MAP3K15: variants seen among roughly 807,000 people sequenced by gnomAD.
The protein encoded by MAP3K15 is MAPK/ERK kinase kinase 15.
In MAP3K15, 124 loss-of-function variants were observed where a neutral mutation model predicts 99.5. The observed-to-expected ratio is 1.25, with a 90% CI of 1.08 to 1.45. The LOEUF is 1.45. MAP3K15 is among the 40% of genes most tolerant of loss of function. The pLI is 0.00. For missense variants in MAP3K15, 1,242 were observed against 1,079.7 expected (o/e 1.15, Z -2.11); for synonymous variants, 494 against 439.6 (o/e 1.12, Z -1.55).
In MAP3K15 at chrX:19,440,396, C is replaced by T. The variant is rs564837123; in HGVS notation, c.996-8788G>A. Among the ~76,000 whole-genome samples, 11 of 112,813 alleles carry T rather than the reference C, an allele frequency of 9.8e-5. No homozygotes were observed. In the South Asian group the frequency reaches 3.6e-3, roughly 37 times the overall value. ...GGTGCCCTGCTCTGGCCAGATGCCT[C>T]GTATTTACATACATGGAAGGGAACA... On this transcript the variant is annotated intron_variant, in intron 6 of 28. Coordinates refer to ENST00000338883, the MANE Select transcript of MAP3K15 (RefSeq NM_001001671.4).
chrX:19,425,328 T>G (rs757559967), intron 9 of MAP3K15, among the ~76,000 whole-genome samples: 5 of 111,581 alleles, frequency 4.5e-5, no homozygotes, highest in Non-Finnish European at 9.4e-5. Context: ...ATCTCAGGGG[T>G]GGAGCAGGCA....
At chrX:19,503,342 C>G (rs904185402) in intron 1 of MAP3K15, among the ~76,000 whole-genome samples, 1 of 112,151 alleles carries the variant, frequency 8.9e-6, no homozygotes, top group African/African-American at 3.2e-5. Flanking sequence ...CACTGCACAG[C>G]CATCAAACCA....
intron 18 of MAP3K15, among the ~76,000 whole-genome samples, chrX:19,382,353 G>A (rs1427720664): frequency 1.8e-5 from 2 of 109,891 alleles, no homozygotes; most frequent in African/African-American, 6.6e-5. Context: ...TGTCTTATTA[G>A]CATTCTTTAA....
At chrX:19,434,779 T>C (rs1006628775) in intron 6 of MAP3K15, among the ~76,000 whole-genome samples, 2 of 111,906 alleles carry the variant, frequency 1.8e-5, no homozygotes, top group Admixed American at 1.9e-4. Flanking sequence ...CTTCATACAA[T>C]AGATGCCAGC....
At chrX:19,391,302 C>T (rs971030430) in intron 18 of MAP3K15, among the ~76,000 whole-genome samples, 1 of 111,658 alleles carries the variant, frequency 9.0e-6, no homozygotes, top group Non-Finnish European at 1.9e-5. Context: ...TCAGCATTAC[C>T]CACGATTTCA....
intron 14 of MAP3K15, among the ~76,000 whole-genome samples, chrX:19,400,058 CTGAG>C (rs2063597100): frequency 8.9e-6 from 1 of 111,906 alleles, no homozygotes; most frequent in Non-Finnish European, 1.9e-5. Flanking sequence ...CTGGAAGAAC[CTGAG>C]TGAGTGGCAA....
intron 1 of MAP3K15, among the ~76,000 whole-genome samples, chrX:19,512,748 T>C (rs376081422): frequency 2.9e-5 from 3 of 104,292 alleles, no homozygotes; most frequent in Admixed American, 1.1e-4. Flanking sequence ...CGTGAGCCAC[T>C]GCACCTGGCC....
chrX:19,458,237 G>C (rs1409206805), intron 5 of MAP3K15, among the ~76,000 whole-genome samples: 1 of 112,068 alleles, frequency 8.9e-6, no homozygotes, highest in Non-Finnish European at 1.9e-5. Context: ...GAGCATGAAT[G>C]GAAGGTTATG....
At chrX:19,489,980 G>C (rs1443705330) in intron 1 of MAP3K15, among the ~76,000 whole-genome samples, 2 of 111,028 alleles carry the variant, frequency 1.8e-5, no homozygotes, top group African/African-American at 6.6e-5. Flanking sequence ...AGGTTGCAGT[G>C]AACTCAGATC....
At chrX:19,481,125 A>AG (rs1173833143) in intron 3 of MAP3K15, among the ~76,000 whole-genome samples, 1 of 107,710 alleles carries the variant, frequency 9.3e-6, no homozygotes, top group East Asian at 2.9e-4. Flanking sequence ...CAAAAAAAAA[A>AG]AAAAAAAAAA....
chrX:19,409,894 T>C (rs1224623502), intron 12 of MAP3K15, 30 bp downstream of exon 12: 2 of 1,095,136 alleles, frequency 1.8e-6, no homozygotes, highest in Non-Finnish European at 2.5e-6. Context: ...TGCATTAAAA[T>C]AGTAACTCCA....
chrX:19,430,747 G>A (rs1214957054), intron 7 of MAP3K15, among the ~76,000 whole-genome samples: 2 of 110,444 alleles, frequency 1.8e-5, no homozygotes, highest in Admixed American at 9.7e-5. Context: ...GAGTGTGCCT[G>A]CCATGCTTCA....
chrX:19,447,169 C>A (rs1215226837), intron 6 of MAP3K15, among the ~76,000 whole-genome samples: 1 of 111,495 alleles, frequency 9.0e-6, no homozygotes, highest in African/African-American at 3.3e-5. Context: ...GCTGGGATTA[C>A]AGGTGCAAGC....
intron 1 of MAP3K15, chrX:19,497,718 T>G (rs1602353301): frequency 9.0e-6 from 1 of 111,419 alleles, no homozygotes; most frequent in African/African-American, 3.3e-5. Flanking sequence ...TGGCTAGAAC[T>G]GGGCTGATGC....
intron 2 of MAP3K15, among the ~76,000 whole-genome samples, chrX:19,487,759 T>C (rs367866661): frequency 9.0e-6 from 1 of 111,554 alleles, no homozygotes; most frequent in East Asian, 2.8e-4. Context: ...ACCCAGAAAA[T>C]CTAGTTAATA....
rs141022850 is a variant in MAP3K15, at chrX:19,372,609, G to A, written c.3108+44C>T. Reference sequence around the variant, plus strand: ...GACCTGTCTGGGGACTGGGACCTGGGCAGAGGGAGCGGGAAGAGTCGGTGC... The same window carrying A: ...GACCTGTCTGGGGACTGGGACCTGGACAGAGGGAGCGGGAAGAGTCGGTGC... On this transcript the variant is annotated intron_variant, in intron 22 of 28. Coordinates refer to ENST00000338883, the MANE Select transcript of MAP3K15 (RefSeq NM_001001671.4). 3.9e-3 allele frequency: 4,487 copies of A among 1,160,428 alleles called. 120 individuals carry two copies. The African/African-American group carries it at 0.07, about 18-fold the overall frequency.
intron 6 of MAP3K15, among the ~76,000 whole-genome samples, chrX:19,456,463 T>C (rs1315128899): frequency 2.7e-5 from 3 of 112,117 alleles, no homozygotes; most frequent in Non-Finnish European, 3.8e-5. Context: ...TGGTCACCTA[T>C]GGAGGGGTTA....
chrX:19,410,220 AAAT>A (rs1464459514), intron 11 of MAP3K15, among the ~76,000 whole-genome samples: 1 of 112,621 alleles, frequency 8.9e-6, no homozygotes, highest in Non-Finnish European at 1.9e-5. Context: ...TTTCAGATAG[AAAT>A]AATAAGCATA....
intron 13 of MAP3K15, among the ~76,000 whole-genome samples, chrX:19,402,725 C>T (rs1280146230): frequency 3.6e-5 from 4 of 111,497 alleles, no homozygotes; most frequent in Admixed American, 9.6e-5. Flanking sequence ...AGTGCAGTGG[C>T]GTGATCATGG....
Sources: gnomAD v4.1 joint callset for allele counts (sites outside exome capture counted in the v4.1 genomes callset) on GRCh38, gnomAD v4.1.1 for gene constraint, MANE v1.5 for transcripts, NCBI Gene and HGNC (gene_info 2026-07-23, HGNC 2026-07-21) for gene names.